The following STAG1 variants were observed in gnomAD, a reference collection of about 807,000 sequenced individuals.
The protein encoded by STAG1 is STAG1 cohesin complex component, also known as cohesin subunit SA-1.
A neutral mutation model predicts 170.9 loss-of-function variants in STAG1; 26 were observed. That is an observed-to-expected ratio of 0.15 (90% CI 0.11 to 0.21). The LOEUF is 0.21. Among genes scored for constraint, STAG1 ranks in the 10% least tolerant of loss-of-function variants. The probability of loss-of-function intolerance (pLI) is 1.00; values close to 1 mark genes in which losing one functional copy is unlikely to be tolerated. For synonymous variants in STAG1, 514 were observed against 497.7 expected (o/e 1.03, Z -0.44); for missense variants, 964 against 1,509.5 (o/e 0.64, Z 5.99).
chr3:136,362,565 T>C (rs990707391), intron 26 of STAG1, among the ~76,000 whole-genome samples: 1 of 146,216 alleles, frequency 6.8e-6, no homozygotes, highest in Non-Finnish European at 1.5e-5. Flanking sequence ...GCCGAGGAGT[T>C]TGAGACCAGC....
intron 22 of STAG1, among the ~76,000 whole-genome samples, chr3:136,378,406 T>C (rs1222022369): frequency 2.6e-5 from 4 of 152,186 alleles, no homozygotes; most frequent in African/African-American, 9.7e-5. Context: ...CAAAAGGAAA[T>C]TTCAAGTTGA....
In STAG1 at chr3:136,539,000, G is replaced by A. The variant is rs137958936; in HGVS notation, c.471+3119C>T. ...ATACAAAAAATTAGCCCAGCGTAGC[G>A]GCAGGCGCCTGTAGTCCCAGCTACT... On this transcript the variant is annotated intron_variant, in intron 6 of 33. Coordinates refer to ENST00000383202, the MANE Select transcript of STAG1 (RefSeq NM_005862.3). Among the ~76,000 whole-genome samples, 281 of 152,146 alleles carry A rather than the reference G, an allele frequency of 1.8e-3. 6 individuals are homozygous for A. In the East Asian group the frequency reaches 0.045, roughly 24 times the overall value.
intron 3 of STAG1, among the ~76,000 whole-genome samples, chr3:136,611,782 GGT>G (rs1261296711): frequency 1.3e-5 from 2 of 150,386 alleles, no homozygotes; most frequent in Non-Finnish European, 3.0e-5. Flanking sequence ...GGATTACAGG[GGT>G]AAGCCACTGC....
intron 22 of STAG1, among the ~76,000 whole-genome samples, chr3:136,392,857 A>G (rs769247897): frequency 1.8e-4 from 27 of 151,598 alleles, no homozygotes; most frequent in South Asian, 6.2e-4. Context: ...TTTTGTTTAT[A>G]TTACTATTTT....
chr3:136,357,941 T>C (rs1936717647), intron 27 of STAG1, 93 bp from the exon 28 acceptor site: 1 of 1,083,004 alleles, frequency 9.2e-7, no homozygotes, highest in African/African-American at 1.6e-5. Context: ...GGTAGTAAAA[T>C]TATCACAAAA....
At chr3:136,592,909 C>A (rs1213740093) in intron 4 of STAG1, among the ~76,000 whole-genome samples, 1 of 152,186 alleles carries the variant, frequency 6.6e-6, no homozygotes, top group Non-Finnish European at 1.5e-5. Context: ...ATAGATGATG[C>A]ACTGCTTGTA....
intron 1 of STAG1, among the ~76,000 whole-genome samples, chr3:136,714,949 A>G (rs1254660971): frequency 1.1e-4 from 9 of 80,074 alleles, no homozygotes; most frequent in African/African-American, 3.3e-4. Flanking sequence ...ATATATATAT[A>G]TATATATATA....
intron 16 of STAG1, among the ~76,000 whole-genome samples, chr3:136,426,677 G>T (rs889636386): frequency 2.6e-4 from 39 of 152,212 alleles, no homozygotes; most frequent in African/African-American, 8.7e-4. Flanking sequence ...GGTGGCTCAC[G>T]CCTGTAATCC....
chr3:136,410,633 G>A (rs1415736488), intron 21 of STAG1, among the ~76,000 whole-genome samples: 1 of 152,116 alleles, frequency 6.6e-6, no homozygotes, highest in African/African-American at 2.4e-5. Context: ...CATATGTAAA[G>A]ACTTAAAATG....
intron 16 of STAG1, among the ~76,000 whole-genome samples, chr3:136,428,062 A>T (rs1420521066): frequency 6.6e-6 from 1 of 151,992 alleles, no homozygotes; most frequent in Non-Finnish European, 1.5e-5. Flanking sequence ...TTTAATGCAG[A>T]TCACAGTGCC....
chr3:136,568,562 A>AT (rs1386313988), intron 5 of STAG1, among the ~76,000 whole-genome samples: 1 of 152,192 alleles, frequency 6.6e-6, no homozygotes, highest in African/African-American at 2.4e-5. Flanking sequence ...ATATAAATGT[A>AT]TTACTTTATA....
chr3:136,645,593 A>C (rs748896609), intron 1 of STAG1, among the ~76,000 whole-genome samples: 1 of 152,248 alleles, frequency 6.6e-6, no homozygotes, highest in African/African-American at 2.4e-5. Context: ...CATAGCAAGT[A>C]ACTGCTTTAT....
chr3:136,675,303 C>T (rs1942098778), intron 1 of STAG1, among the ~76,000 whole-genome samples: 1 of 152,154 alleles, frequency 6.6e-6, no homozygotes, highest in Non-Finnish European at 1.5e-5. Context: ...TGTCCTCTTG[C>T]TTCCAATGCT....
At position 136,427,015 on chromosome 3, in the gene STAG1, G is replaced by A. The variant is rs1236260364; in HGVS notation, c.1651-3971C>T. Among the ~76,000 whole-genome samples, 2 of 150,020 alleles carry A rather than the reference G, an allele frequency of 1.3e-5. 1 individual carries two copies. The highest frequency in any genetic ancestry group is 4.3e-4 in the South Asian group (2 of 4,702). On this transcript the variant is annotated intron_variant, in intron 16 of 33. Transcript: ENST00000383202. ...GCGCAGCTTGCAGTGAGCCGAGATCGCGCCACCGCACTCCAGCCTGGGCGA... is the reference window on the plus strand; with the variant it reads ...GCGCAGCTTGCAGTGAGCCGAGATCACGCCACCGCACTCCAGCCTGGGCGA...
In STAG1 at chr3:136,740,196, TCACAC is replaced by T. The variant is rs538613255; in HGVS notation, c.-84+11994_-84+11998del. On this transcript the variant is annotated intron_variant, in intron 1 of 33. Transcript: ENST00000383202. ...AGGCGGAGGTTTCAGTGAGCCAAGATCACACCACTGCACTCCAGCCCGGGCAACAA... is the reference window on the plus strand; with the variant it reads ...AGGCGGAGGTTTCAGTGAGCCAAGATCACTGCACTCCAGCCCGGGCAACAA... Among the ~76,000 whole-genome samples, 410 of 152,144 alleles carry T rather than the reference TCACAC, an allele frequency of 2.7e-3. 2 individuals are homozygous for T. Among genetic ancestry groups the T allele is most frequent in the South Asian group, 5.8e-3 (28 of 4,822 alleles).
chr3:136,657,165 C>CCTCT, intron 1 of STAG1, among the ~76,000 whole-genome samples: 1 of 149,124 alleles, frequency 6.7e-6, no homozygotes, highest in Non-Finnish European at 1.5e-5. Context: ...TAAAGAACGT[C>CCTCT]CTCTCCTACA....
At chr3:136,367,369 G>A (rs1298732691) in intron 24 of STAG1, among the ~76,000 whole-genome samples, 1 of 151,944 alleles carries the variant, frequency 6.6e-6, no homozygotes, top group East Asian at 1.9e-4. Flanking sequence ...CTCCCTATCT[G>A]TGGATGCAGA....
chr3:136,372,611 C>A (rs912354764), intron 23 of STAG1, among the ~76,000 whole-genome samples: 2 of 151,940 alleles, frequency 1.3e-5, no homozygotes, highest in Admixed American at 1.3e-4. Context: ...ATAATCATGT[C>A]GTTTTTGTCT....
chr3:136,546,021 C>T (rs899514660), intron 5 of STAG1, among the ~76,000 whole-genome samples: 3 of 152,156 alleles, frequency 2.0e-5, no homozygotes, highest in African/African-American at 7.2e-5. Flanking sequence ...AGTCCATCTA[C>T]ACCAAGAACA....
Sources: gnomAD v4.1 joint callset for allele counts (sites outside exome capture counted in the v4.1 genomes callset) on GRCh38, gnomAD v4.1.1 for gene constraint, MANE v1.5 for transcripts, NCBI Gene and HGNC (gene_info 2026-07-23, HGNC 2026-07-21) for gene names.